MYO5A: variants seen among roughly 807,000 people sequenced by gnomAD.
The protein encoded by MYO5A is myosin VA.
Under a neutral mutation model 249.7 loss-of-function variants are expected in MYO5A, and 98 were observed. That is an observed-to-expected ratio of 0.39 (90% CI 0.33 to 0.46). The LOEUF (loss-of-function observed/expected upper bound fraction) is 0.46, where lower values mean the gene tolerates loss of function less well. Ranked by LOEUF, MYO5A falls within the 20% of genes least tolerant of loss-of-function variation. The pLI is 0.98. For missense variants in MYO5A, 1,696 were observed against 2,308.8 expected (o/e 0.73, Z 5.44); for synonymous variants, 778 against 810.6 (o/e 0.96, Z 0.68).
At chr15:52,505,282 C>A in intron 1 of MYO5A, 1 of 776,558 alleles carries the variant, frequency 1.3e-6, no homozygotes, top group Non-Finnish European at 2.4e-6. Flanking sequence ...TGTGCCATCA[C>A]AAGCAGATGT....
chr15:52,519,225 G>A (rs1356332553), intron 1 of MYO5A, among the ~76,000 whole-genome samples: 1 of 152,172 alleles, frequency 6.6e-6, no homozygotes, highest in Non-Finnish European at 1.5e-5. Flanking sequence ...TGCAAGCAAG[G>A]ATGTGAAGAA....
At position 52,420,702 on chromosome 15, in the gene MYO5A, G is replaced by GC. The variant is rs1290562331; in HGVS notation, c.456-4402_456-4401insG. On this transcript the variant is annotated intron_variant, in intron 4 of 41. Transcript: ENST00000399233. ...GGGGTCATCTGAAAGTAAAATCTGA[G>GC]TGGGATAATGAAGTATAAATATAAA... 2.0e-5 allele frequency among the ~76,000 whole-genome samples: 3 copies of GC among 152,146 alleles called. No homozygotes were observed. The East Asian group carries it at 5.8e-4, about 29-fold the overall frequency.
chr15:52,416,315 A>G lies in MYO5A; in HGVS notation c.456-14T>C, dbSNP rs764727473. 1.2e-6 allele frequency: 2 copies of G among 1,613,186 alleles called. No homozygotes were observed. The highest frequency in any genetic ancestry group is 1.3e-5 in the African/African-American group (1 of 74,850). On this transcript the variant is annotated splice_polypyrimidine_tract_variant and intron_variant, in intron 4 of 41. Transcript: ENST00000399233. ...TTTCGTTCATCTCTGTAAAATAAAA[A>G]TTTTTTAAAAAGTAACTGCCATTGC... is the stretch of plus-strand genomic sequence containing the variant.
Position 52,364,659 on chromosome 15 carries a change from T to C in MYO5A, c.3204A>G (p.Glu1068=). The change falls in exon 24 of 42, where the codon GAA becomes GAG. Residue 1068 remains glutamate (E), a synonymous_variant. Transcript: ENST00000399233. ...TCAGCCTTTCATCATTAAGGTCGAGTTCCAGTTGTTTCGTTTCTTCTACTA... is the reference window on the plus strand; with the variant it reads ...TCAGCCTTTCATCATTAAGGTCGAGCTCCAGTTGTTTCGTTTCTTCTACTA... ...KKLVEETKQL[E]LDLNDERLRY... The C allele has an allele frequency of 6.2e-7, 1 of 1,613,810 alleles. No individual in the cohort carries two copies.
intron 1 of MYO5A, among the ~76,000 whole-genome samples, chr15:52,497,671 C>A (rs541578901): frequency 6.8e-6 from 1 of 146,788 alleles, no homozygotes; most frequent in Non-Finnish European, 1.5e-5. Flanking sequence ...GCAAGAGAAT[C>A]GCTTGAACCC....
rs35456308 is a variant in MYO5A at position 52,435,265 on chromosome 15, C to CTTTTTT, written c.28-1986_28-1981dup. Among the ~76,000 whole-genome samples, 108 of 113,732 alleles carry CTTTTTT rather than the reference C, an allele frequency of 9.5e-4. 3 individuals are homozygous for CTTTTTT. Among genetic ancestry groups the CTTTTTT allele is most frequent in the Non-Finnish European group, 1.4e-3 (79 of 57,458 alleles). The allele number at this position is 113,732 out of a possible 152,430, so 74.6% of individuals were successfully genotyped here. A position where few individuals can be genotyped will look rare whatever the true frequency, so the allele number is the denominator to read the frequency against. On this transcript the variant is annotated intron_variant, in intron 1 of 41. Transcript: ENST00000399233. ...ACTGTCCTGGATATTACGTTAACCTCTTTTTTTTTTTTTTTTTTTTTGAGA... is the reference window on the plus strand; with the variant it reads ...ACTGTCCTGGATATTACGTTAACCTCTTTTTTTTTTTTTTTTTTTTTTTTTTTGAGA...
chr15:52,340,979 A>G (rs1045629720), intron 31 of MYO5A, among the ~76,000 whole-genome samples: 1 of 149,964 alleles, frequency 6.7e-6, no homozygotes, highest in Non-Finnish European at 1.5e-5. Flanking sequence ...GGTCATAGGA[A>G]ATGAGGATGT....
intron 18 of MYO5A, 62 bp downstream of exon 18, chr15:52,379,563 C>T (rs2041625137): frequency 6.8e-7 from 1 of 1,467,774 alleles, no homozygotes; most frequent in Non-Finnish European, 9.5e-7. Flanking sequence ...GTTCCCGGGG[C>T]TTTCCAAGGT....
At chr15:52,323,619 C>G in intron 36 of MYO5A, 175 bp from the exon 37 acceptor site, 1 of 557,662 alleles carries the variant, frequency 1.8e-6, no homozygotes. Flanking sequence ...TGTCAGCGAC[C>G]AGGTTCATCA....
At chr15:52,477,466 CTT>C (rs1194952329) in intron 1 of MYO5A, among the ~76,000 whole-genome samples, 1 of 152,182 alleles carries the variant, frequency 6.6e-6, no homozygotes, top group Admixed American at 6.5e-5. Context: ...CTTTGTGTTC[CTT>C]TGGAGGAGAA....
At chr15:52,349,833 C>T (rs558916512) in intron 28 of MYO5A, among the ~76,000 whole-genome samples, 62 of 152,126 alleles carry the variant, frequency 4.1e-4, no homozygotes, top group African/African-American at 1.5e-3. Flanking sequence ...CCAAGGGAAC[C>T]AACTGTGACA....
chr15:52,314,350 C>A (rs1354644815), intron 40 of MYO5A, 147 bp from the exon 41 acceptor site: 2 of 663,388 alleles, frequency 3.0e-6, no homozygotes, highest in Non-Finnish European at 2.7e-6. Context: ...AGGAGCTGGT[C>A]TGCACATTTA....
Position 52,428,383 on chromosome 15 carries a change from G to T in MYO5A, c.310+15C>A. On this transcript the variant is annotated intron_variant, in intron 3 of 41. Coordinates refer to ENST00000399233, the MANE Select transcript of MYO5A (RefSeq NM_001382347.1). ...AAAGAGTCCACAGTCTATTCGGAAAGCAAAGCATACTTACCACAATACGTA... is the reference window on the plus strand; with the variant it reads ...AAAGAGTCCACAGTCTATTCGGAAATCAAAGCATACTTACCACAATACGTA... 6.2e-7 allele frequency: 1 copy of T among 1,610,730 alleles called. No individual in the cohort carries two copies. The highest frequency in any genetic ancestry group is 8.5e-7 in the Non-Finnish European group (1 of 1,177,032).
At chr15:52,347,708 GAGA>G (rs1205318652) in intron 29 of MYO5A, among the ~76,000 whole-genome samples, 4 of 152,022 alleles carry the variant, frequency 2.6e-5, no homozygotes, top group Non-Finnish European at 5.9e-5. Context: ...TGCTTCCTCT[GAGA>G]AGACCAACTA....
intron 1 of MYO5A, among the ~76,000 whole-genome samples, chr15:52,436,031 C>T (rs187942669): frequency 4.5e-4 from 68 of 152,332 alleles, no homozygotes; most frequent in Admixed American, 1.4e-3. Flanking sequence ...GATTCTCCTG[C>T]CTCAGCCTCC....
In MYO5A at chr15:52,307,930, A is replaced by T. The variant is rs1273889734; in HGVS notation, c.*5766T>A. 6.6e-6 allele frequency: 1 copy of T among 152,198 alleles called. No homozygotes were observed. Among genetic ancestry groups the T allele is most frequent in the Non-Finnish European group, 1.5e-5 (1 of 68,012 alleles). 9.4% of individuals were successfully genotyped at this position (152,198 alleles called of 1,614,324 possible). A position where few individuals can be genotyped will look rare whatever the true frequency, so the allele number is the denominator to read the frequency against. On this transcript the variant is annotated 3_prime_UTR_variant, in exon 42 of 42. Coordinates refer to ENST00000399233, the MANE Select transcript of MYO5A (RefSeq NM_001382347.1). ...AATTACAACATATATATCCACATTTAAAGAAAAAATTCACCATTTGTTGGG... is the reference window on the plus strand; with the variant it reads ...AATTACAACATATATATCCACATTTTAAGAAAAAATTCACCATTTGTTGGG...
chr15:52,320,709 G>T (rs1043018913), intron 38 of MYO5A, among the ~76,000 whole-genome samples: 2 of 152,152 alleles, frequency 1.3e-5, no homozygotes, highest in African/African-American at 2.4e-5. Flanking sequence ...GTAGCTGGAA[G>T]TAGCCTTAAG....
chr15:52,353,582 C>A (rs2040056902), intron 27 of MYO5A, 23 bp downstream of exon 27: 2 of 1,609,316 alleles, frequency 1.2e-6, no homozygotes, highest in Non-Finnish European at 1.7e-6. Flanking sequence ...TATTCAAAGT[C>A]TTGAGCAGAA....
At chr15:52,511,319 T>A (rs2077385404) in intron 1 of MYO5A, among the ~76,000 whole-genome samples, 1 of 152,242 alleles carries the variant, frequency 6.6e-6, no homozygotes, top group Admixed American at 6.5e-5. Flanking sequence ...TTGAAATACA[T>A]TAACTAAATA....
Sources: gnomAD v4.1 joint callset for allele counts (sites outside exome capture counted in the v4.1 genomes callset) on GRCh38, gnomAD v4.1.1 for gene constraint, MANE v1.5 for transcripts, NCBI Gene and HGNC (gene_info 2026-07-23, HGNC 2026-07-21) for gene names.